The following PCDHGA4 variants were observed in gnomAD, a reference collection of about 807,000 sequenced individuals.
PCDHGA4 encodes protocadherin gamma-A4.
Under a neutral mutation model 54.6 loss-of-function variants are expected in PCDHGA4, and 38 were observed. The ratio of observed to expected loss-of-function variants is 0.70; its 90% confidence interval spans 0.54 to 0.91. The LOEUF (loss-of-function observed/expected upper bound fraction) is 0.91, where lower values mean the gene tolerates loss of function less well. Ranked by LOEUF, PCDHGA4 falls within the 40% of genes least tolerant of loss-of-function variation. The pLI, the probability that PCDHGA4 is intolerant of heterozygous loss-of-function variation, is 0.00. For missense variants in PCDHGA4, 1,298 were observed against 1,220.9 expected, an observed-to-expected ratio of 1.06 and a Z score of -0.94; for synonymous variants, 511 against 512.9, an observed-to-expected ratio of 1.00 and a Z score of 0.05.
Position 141,409,613 on chromosome 5 carries a change from A to T in PCDHGA4, c.2514+51992A>T, listed in dbSNP as rs370495173. 6.6e-5 allele frequency: 107 copies of T among 1,613,738 alleles called. 1 individual carries two copies. The South Asian group carries it at 1.1e-3, about 17-fold the overall frequency. ...CGAGAACAACCCGCCAGGAGCCTCC[A>T]TTGCGCAAGTGAGCGCCTCTGACCC... On this transcript the variant is annotated intron_variant, in intron 1 of 3. Transcript: ENST00000571252.
intron 1 of PCDHGA4, chr5:141,427,752 G>A (rs1171502843): frequency 4.5e-6 from 6 of 1,319,552 alleles, no homozygotes; most frequent in South Asian, 1.2e-5. Context: ...CTACTCCATC[G>A]TTACCACTGA....
chr5:141,478,100 C>T, intron 1 of PCDHGA4: 1 of 1,614,124 alleles, frequency 6.2e-7, no homozygotes, highest in Non-Finnish European at 8.5e-7. Context: ...CACTGCTACC[C>T]TCACTGTGTC....
chr5:141,484,960 C>A, intron 1 of PCDHGA4: 1 of 577,142 alleles, frequency 1.7e-6, no homozygotes, highest in Non-Finnish European at 3.1e-6. Flanking sequence ...TTGGCTGAGC[C>A]CGGGAGCCGC....
At chr5:141,358,025 A>G (rs1760791349) in intron 1 of PCDHGA4, among the ~76,000 whole-genome samples, 1 of 152,146 alleles carries the variant, frequency 6.6e-6, no homozygotes, top group Non-Finnish European at 1.5e-5. Context: ...CCCAGTCTCT[A>G]CTAAAATACA....
chr5:141,393,393 C>G (rs1244010216), intron 1 of PCDHGA4: 2 of 1,613,900 alleles, frequency 1.2e-6, no homozygotes, highest in African/African-American at 1.3e-5. Context: ...AAACCCAGAG[C>G]TGGTGCTGGA....
chr5:141,487,006 G>A lies in PCDHGA4; in HGVS notation c.2515-7801G>A. ...ATGCTTGGGTTTCCTATCAGCTCCT[G>A]GAGGCCCCAGATCCCAGCCTGTTTG... On this transcript the variant is annotated intron_variant, in intron 1 of 3. Transcript: ENST00000571252. This position sits in a 1 kb window ranked among gnomAD's most constrained non-coding sequence, Gnocchi z 5.0. 1 of 1,614,206 alleles carries A rather than the reference G, an allele frequency of 6.2e-7. No homozygotes were observed. The highest frequency in any genetic ancestry group is 8.5e-7 in the Non-Finnish European group (1 of 1,180,042).
In PCDHGA4 at chr5:141,361,541, C is replaced by CCTCTATCG. The variant is rs778689212; in HGVS notation, c.2514+3924_2514+3931dup. ...GTGGCAGAGAACAATCCTCCTGGCGCCTCTATCGCTCAAATCAGTGCCTCT... is the reference window on the plus strand; with the variant it reads ...GTGGCAGAGAACAATCCTCCTGGCGCCTCTATCGCTCTATCGCTCAAATCAGTGCCTCT... On this transcript the variant is annotated intron_variant, in intron 1 of 3. Coordinates refer to ENST00000571252, the MANE Select transcript of PCDHGA4 (RefSeq NM_018917.4). The CCTCTATCG allele has an allele frequency of 6.2e-6, 10 of 1,613,956 alleles. No individual in the cohort carries two copies. In the African/African-American group the frequency reaches 1.2e-4, roughly 19 times the overall value.
At chr5:141,368,352 CAT>C (rs965270733) in intron 1 of PCDHGA4, among the ~76,000 whole-genome samples, 1 of 152,006 alleles carries the variant, frequency 6.6e-6, no homozygotes, top group East Asian at 1.9e-4. Context: ...TATACACACA[CAT>C]ATATATACAC....
chr5:141,484,242 A>G (rs995022030), intron 1 of PCDHGA4, among the ~76,000 whole-genome samples: 1 of 152,216 alleles, frequency 6.6e-6, no homozygotes, highest in African/African-American at 2.4e-5. Flanking sequence ...TCTGGTCCTT[A>G]GCACCTCCCA....
At chr5:141,460,177 T>C (rs1021646181) in intron 1 of PCDHGA4, among the ~76,000 whole-genome samples, 13 of 152,138 alleles carry the variant, frequency 8.5e-5, no homozygotes, top group African/African-American at 3.1e-4. Context: ...TTGTGGATAT[T>C]TTATCCCAGA....
At chr5:141,416,033 C>T (rs770398549) in intron 1 of PCDHGA4, 22 of 202,600 alleles carry the variant, frequency 1.1e-4, no homozygotes, top group Non-Finnish European at 1.9e-4. Flanking sequence ...AAAGAAATCA[C>T]CTCTGGAAAC....
rs779391932 is a variant in PCDHGA4, at chr5:141,419,996, C to T, written c.2514+62375C>T. Reference sequence around the variant, plus strand: ...CCTCGCGGTGATTCTAGCTATTGCTCTACGCCTGCGACAGTCTTTCAGCCC... The same window carrying T: ...CCTCGCGGTGATTCTAGCTATTGCTTTACGCCTGCGACAGTCTTTCAGCCC... On this transcript the variant is annotated intron_variant, in intron 1 of 3. Coordinates refer to ENST00000571252, the MANE Select transcript of PCDHGA4 (RefSeq NM_018917.4). 10 of 1,613,966 alleles carry T rather than the reference C, an allele frequency of 6.2e-6. No homozygotes were observed. In the East Asian group the frequency reaches 2.2e-4, roughly 36 times the overall value.
At chr5:141,409,262 G>A (rs768196825) in intron 1 of PCDHGA4, 2 of 1,613,834 alleles carry the variant, frequency 1.2e-6, no homozygotes, top group African/African-American at 2.7e-5. Flanking sequence ...TTCTCTCTCT[G>A]ATCAGATTTT....
intron 1 of PCDHGA4, among the ~76,000 whole-genome samples, chr5:141,359,386 C>G (rs1405984010): frequency 6.6e-6 from 1 of 151,886 alleles, no homozygotes; most frequent in Non-Finnish European, 1.5e-5. Flanking sequence ...TAATTTATAA[C>G]CTAAAATCAA....
chr5:141,397,846 A>G (rs1032127108), intron 1 of PCDHGA4: 3 of 528,344 alleles, frequency 5.7e-6, no homozygotes, highest in Non-Finnish European at 9.9e-6. Flanking sequence ...GAAGCCGCAG[A>G]GGCTGTAGTT....
intron 1 of PCDHGA4, chr5:141,376,073 GTGGCCGACAGGATCCCCGACATCC>G: frequency 1.2e-6 from 2 of 1,613,508 alleles, no homozygotes; most frequent in Non-Finnish European, 1.7e-6. Flanking sequence ...CACCGTGGCC[GTGGCCGACAGGATCCCCGACATCC>G]TGGCCGACCT....
intron 1 of PCDHGA4, chr5:141,403,090 C>T (rs2094352394): frequency 6.2e-7 from 1 of 1,614,068 alleles, no homozygotes; most frequent in Non-Finnish European, 8.5e-7. Context: ...ATATTGTGGG[C>T]AACATCTCCA....
chr5:141,408,673 C>T (rs1397679515), intron 1 of PCDHGA4: 3 of 1,613,854 alleles, frequency 1.9e-6, no homozygotes, highest in Non-Finnish European at 2.5e-6. Flanking sequence ...TTGACCCTGC[C>T]ACGGATCCTG....
At position 141,399,508 on chromosome 5, in the gene PCDHGA4, A is replaced by C. The variant is rs780948105; in HGVS notation, c.2514+41887A>C. ...CTACTTAGTCAGTGTACCCGAAAAC[A>C]ACCCTCCTGGGGCCTCCATCGCGCA... On this transcript the variant is annotated intron_variant, in intron 1 of 3. Coordinates refer to ENST00000571252, the MANE Select transcript of PCDHGA4 (RefSeq NM_018917.4). 3.2e-5 allele frequency: 51 copies of C among 1,613,904 alleles called. No homozygotes were observed. In the African/African-American group the frequency reaches 6.7e-4, roughly 21 times the overall value.
Sources: gnomAD v4.1 joint callset for allele counts (sites outside exome capture counted in the v4.1 genomes callset) on GRCh38, gnomAD v4.1.1 for gene constraint, Gnocchi (gnomAD v3.1) non-coding constraint, MANE v1.5 for transcripts, NCBI Gene and HGNC (gene_info 2026-07-23, HGNC 2026-07-21) for gene names.